The following SIPA1L1 variants were observed in gnomAD, a reference collection of about 807,000 sequenced individuals.
The protein encoded by SIPA1L1 is signal induced proliferation associated 1 like 1.
A neutral mutation model predicts 162.7 loss-of-function variants in SIPA1L1; 26 were observed. The ratio of observed to expected loss-of-function variants is 0.16; its 90% CI spans 0.12 to 0.22. The LOEUF (loss-of-function observed/expected upper bound fraction) is 0.22. SIPA1L1 is among the 10% of genes least tolerant of loss of function. The pLI, the probability that SIPA1L1 is intolerant of heterozygous loss-of-function variation, is 1.00. For synonymous variants in SIPA1L1, 829 were observed against 837.4 expected (o/e 0.99, Z 0.17); for missense variants, 1,874 against 2,241.0 (o/e 0.84, Z 3.31).
intron 19 of SIPA1L1, among the ~76,000 whole-genome samples, chr14:71,728,973 G>A (rs1213769345): frequency 6.6e-6 from 1 of 152,154 alleles, no homozygotes; most frequent in Admixed American, 6.5e-5. Flanking sequence ...AGATACATCT[G>A]GAACTATTTG....
intron 2 of SIPA1L1, among the ~76,000 whole-genome samples, chr14:71,406,874 T>G (rs1169520126): frequency 6.6e-6 from 1 of 152,238 alleles, no homozygotes; most frequent in Non-Finnish European, 1.5e-5. Flanking sequence ...ATTGAGATAT[T>G]CTTTGGGATA....
At chr14:71,485,402 A>G (rs1446493702) in intron 2 of SIPA1L1, among the ~76,000 whole-genome samples, 1 of 152,162 alleles carries the variant, frequency 6.6e-6, no homozygotes, top group East Asian at 1.9e-4. Context: ...GCTGCTCCCC[A>G]TTGCCCATTA....
chr14:71,614,820 A>G (rs2038642103), intron 5 of SIPA1L1, among the ~76,000 whole-genome samples: 1 of 152,238 alleles, frequency 6.6e-6, no homozygotes, highest in Non-Finnish European at 1.5e-5. Context: ...TTGAATTATC[A>G]TTAATTTTAC....
intron 7 of SIPA1L1, among the ~76,000 whole-genome samples, chr14:71,643,114 G>A (rs1250923342): frequency 1.3e-5 from 2 of 152,138 alleles, no homozygotes; most frequent in Non-Finnish European, 2.9e-5. Context: ...CACATATGAT[G>A]CAAGCAGACC....
chr14:71,603,308 A>G (rs561938278), intron 5 of SIPA1L1, among the ~76,000 whole-genome samples: 23 of 152,176 alleles, frequency 1.5e-4, no homozygotes, highest in African/African-American at 1.7e-4. Context: ...CAGCCGATCT[A>G]TATCTTTTCT....
chr14:71,464,466 C>A (rs761466115), intron 2 of SIPA1L1, among the ~76,000 whole-genome samples: 1 of 152,074 alleles, frequency 6.6e-6, no homozygotes, highest in African/African-American at 2.4e-5. Context: ...CATGATGAGA[C>A]CCTGTCTCTT....
chr14:71,400,098 T>TA (rs1257213585), intron 2 of SIPA1L1, among the ~76,000 whole-genome samples: 1 of 152,192 alleles, frequency 6.6e-6, no homozygotes, highest in African/African-American at 2.4e-5. Flanking sequence ...GTGCTGGGAT[T>TA]ACAGGCATCA....
intron 10 of SIPA1L1, among the ~76,000 whole-genome samples, chr14:71,664,103 G>C (rs1053795421): frequency 2.0e-5 from 3 of 152,100 alleles, no homozygotes; most frequent in Non-Finnish European, 4.4e-5. Context: ...TTTAATGTTG[G>C]GGGGAGGCAG....
At chr14:71,707,135 GCACACACACACGCACA>G (rs1195611889) in intron 16 of SIPA1L1, among the ~76,000 whole-genome samples, 4 of 149,112 alleles carry the variant, frequency 2.7e-5, no homozygotes, top group Non-Finnish European at 4.5e-5. Flanking sequence ...ACACACGCAC[GCACACACACACGCACA>G]CACACACAGT....
In SIPA1L1 at chr14:71,473,894, G is replaced by A. The variant is rs922485335; in HGVS notation, c.-464-38849G>A. ...GCTGTTCTAAGAAATAAGCTAAAAT[G>A]TACTAATATTTAATATTTGATTGAA... On this transcript the variant is annotated intron_variant, in intron 2 of 23. Coordinates refer to ENST00000381232, the MANE Select transcript of SIPA1L1 (RefSeq NM_001386936.1). 2.6e-5 allele frequency among the ~76,000 whole-genome samples: 4 copies of A among 152,318 alleles called. No homozygotes were observed. In the East Asian group the frequency reaches 7.7e-4, roughly 29 times the overall value.
chr14:71,404,045 A>G lies in SIPA1L1; in HGVS notation c.-465+82864A>G, dbSNP rs570797745. ...GTTTTGGTTTCAGTTAAAGTCAGTA[A>G]ATTAATACTTAAAATTTATAGTTTC... On this transcript the variant is annotated intron_variant, in intron 2 of 23. Transcript: ENST00000381232. 2.7e-4 allele frequency among the ~76,000 whole-genome samples: 36 copies of G among 133,786 alleles called. No individual in the cohort carries two copies. The East Asian group carries it at 8.2e-3, about 30-fold the overall frequency. 87.8% of individuals were successfully genotyped at this position (133,786 alleles called of 152,430 possible).
chr14:71,340,487 T>C (rs113349422), intron 2 of SIPA1L1, among the ~76,000 whole-genome samples: 13 of 152,200 alleles, frequency 8.5e-5, no homozygotes, highest in African/African-American at 3.1e-4. Context: ...ATAGGTATTA[T>C]CAACATTTAA....
intron 13 of SIPA1L1, 40 bp downstream of exon 13, chr14:71,685,671 C>A: frequency 6.2e-7 from 1 of 1,607,104 alleles, no homozygotes; most frequent in Non-Finnish European, 8.5e-7. Flanking sequence ...CTCTCTCTGC[C>A]CCAAATGTAA....
intron 2 of SIPA1L1, among the ~76,000 whole-genome samples, chr14:71,439,663 T>C (rs2141175373): frequency 6.6e-6 from 1 of 152,356 alleles, no homozygotes; most frequent in East Asian, 1.9e-4. Flanking sequence ...TAGCACAGTC[T>C]TTTTTCCCCT....
At chr14:71,716,553 A>G (rs1597187825) in intron 17 of SIPA1L1, among the ~76,000 whole-genome samples, 1 of 152,194 alleles carries the variant, frequency 6.6e-6, no homozygotes, top group African/African-American at 2.4e-5. Context: ...TGTTTTTCAC[A>G]GGATATGATG....
chr14:71,597,379 G>A (rs10147863), intron 5 of SIPA1L1, among the ~76,000 whole-genome samples: 57,386 of 151,876 alleles, frequency 0.38, 12,755 homozygotes, highest in East Asian at 0.68. Context: ...TTTTTCTTGA[G>A]TAACCTGTAT....
At chr14:71,358,566 C>T (rs1377483701) in intron 2 of SIPA1L1, among the ~76,000 whole-genome samples, 1 of 152,192 alleles carries the variant, frequency 6.6e-6, no homozygotes, top group Non-Finnish European at 1.5e-5. Context: ...TAAGACTGAG[C>T]CCACCTGCCC....
chr14:71,367,764 G>C (rs951393605), intron 2 of SIPA1L1, among the ~76,000 whole-genome samples: 11 of 150,410 alleles, frequency 7.3e-5, no homozygotes, highest in Admixed American at 6.0e-4. Flanking sequence ...CCACTACCAC[G>C]TCTGACTAGT....
At chr14:71,648,694 A>G (rs907695936) in intron 7 of SIPA1L1, among the ~76,000 whole-genome samples, 3 of 152,248 alleles carry the variant, frequency 2.0e-5, no homozygotes, top group Non-Finnish European at 4.4e-5. Flanking sequence ...AATTAAAAGT[A>G]CTAATGTCAG....
Sources: allele counts gnomAD v4.1 joint callset (sites outside exome capture counted in the v4.1 genomes callset), GRCh38; gene constraint gnomAD v4.1.1; transcripts MANE v1.5; gene names NCBI Gene and HGNC (gene_info 2026-07-23, HGNC 2026-07-21).